The following ADAMTS7 variants were observed in gnomAD, a reference collection of about 807,000 sequenced individuals.
The protein encoded by ADAMTS7 is A disintegrin and metalloproteinase with thrombospondin motifs 7.
A neutral mutation model predicts 172.6 loss-of-function variants in ADAMTS7; 89 were observed. That is an observed-to-expected ratio of 0.52 (90% CI 0.43 to 0.61). The LOEUF is 0.61. Ranked by LOEUF, ADAMTS7 falls within the 20% of genes least tolerant of loss-of-function variation. ADAMTS7 has a pLI of 0.00. For missense variants in ADAMTS7, 1,973 were observed against 2,355.6 expected (o/e 0.84, Z 3.36); for synonymous variants, 885 against 978.4 (o/e 0.90, Z 1.78).
rs1204401813 is a variant in ADAMTS7 at position 78,811,181 on chromosome 15, G to A, written c.40C>T (p.Leu14=). The change falls in exon 1 of 24, where the codon CTG becomes TTG. Residue 14 remains leucine, a synonymous_variant. Transcript: ENST00000388820. ...GPSPRSPAPL[L]RPLLLLLCAL... ...CAGAGGAGCAGGAGGAGGGGGCGCA[G>A]CAAAGGCGCGGGGCTGCGGGGACTG... 4.1e-6 allele frequency: 5 copies of A among 1,229,870 alleles called. No homozygotes were observed. The highest frequency in any genetic ancestry group is 5.1e-6 in the Non-Finnish European group (5 of 986,764). The allele number at this position is 1,229,870 out of a possible 1,614,324, so 76.2% of individuals were successfully genotyped here. A position where few individuals can be genotyped will look rare whatever the true frequency, so the allele number is the denominator to read the frequency against.
At position 78,762,445 on chromosome 15, in the gene ADAMTS7, G is replaced by A. The variant is rs757487684; in HGVS notation, c.4861C>T (p.Arg1621Trp). Residue 1621 changes from arginine (R) to tryptophan (W), a missense_variant, in exon 23 of 24, where the codon CGG becomes TGG. Arg to Trp is a moderately radical substitution (Grantham distance 101). This residue lies in a region of ADAMTS7 where 42 missense variants were observed against 78.3 expected (regional missense o/e 0.54). Coordinates refer to ENST00000388820, the MANE Select transcript of ADAMTS7 (RefSeq NM_014272.5). ...TCACAATCCTCGGTGCCACACGGCC[G>A]GGAGCTCTCAGGCCAGGCCTCGTGG... ...CGHEAWPESS[R>W]PCGTEDCEPV... is the part of the protein sequence containing the mutation. 26 of 1,554,998 alleles carry A rather than the reference G, an allele frequency of 1.7e-5. 1 individual carries two copies. Among genetic ancestry groups the A allele is most frequent in the Admixed American group, 3.7e-5 (2 of 53,664 alleles).
At chr15:78,807,793 G>A (rs111538960) in intron 1 of ADAMTS7, among the ~76,000 whole-genome samples, 1 of 152,046 alleles carries the variant, frequency 6.6e-6, no homozygotes, top group Non-Finnish European at 1.5e-5. Context: ...TTAAAAACTT[G>A]TTGTTTTATC....
chr15:78,790,899 T>C, intron 5 of ADAMTS7, 105 bp from the exon 6 acceptor site: 2 of 1,537,108 alleles, frequency 1.3e-6, no homozygotes, highest in Admixed American at 3.5e-5. Flanking sequence ...AGCAGGGAAG[T>C]GGGAGGCCCG....
chr15:78,760,429 G>T (rs1402292359), intron 23 of ADAMTS7, among the ~76,000 whole-genome samples: 21 of 152,202 alleles, frequency 1.4e-4, no homozygotes, highest in African/African-American at 2.9e-4. Flanking sequence ...GCCAGCCCTG[G>T]GCCTGGGACA....
At chr15:78,768,434 T>G (rs566379019) in intron 16 of ADAMTS7, among the ~76,000 whole-genome samples, 175 bp from the exon 17 acceptor site, 3 of 152,174 alleles carry the variant, frequency 2.0e-5, no homozygotes, top group African/African-American at 7.2e-5. Context: ...CTCACTGTCC[T>G]CCTGGTTCTC....
chr15:78,764,996 C>A lies in ADAMTS7; in HGVS notation c.4267-289G>T, dbSNP rs1335867889. 3 of 344,238 alleles carry A rather than the reference C, an allele frequency of 8.7e-6. No individual in the cohort carries two copies. In the South Asian group the frequency reaches 3.1e-4, roughly 35 times the overall value. 21.3% of individuals were successfully genotyped at this position (344,238 alleles called of 1,614,324 possible). A position where few individuals can be genotyped will look rare whatever the true frequency, so the allele number is the denominator to read the frequency against. On this transcript the variant is annotated intron_variant, in intron 19 of 23. Coordinates refer to ENST00000388820, the MANE Select transcript of ADAMTS7 (RefSeq NM_014272.5). The stretch of plus-strand genomic sequence containing the variant: ...GGGGGGAGGGGACCCTGTGGGCACC[C>A]CGACCAGCTATCTTGACCAGCCTCG...
rs376578536 is a variant in ADAMTS7, at chr15:78,771,802, G to A, written c.2159C>T (p.Ala720Val). ...TTGGATGCGGATCTCGCGTGCGCCC[G>A]CTGGGATCAGCCCCACATCCACATA... ...LGYVDVGLIP[A>V]GAREIRIQEV... The change falls in exon 15 of 24, where the codon GCG (alanine) becomes GTG (valine). Residue 720 changes from alanine to valine, a missense_variant. Physicochemically the swap from Ala to Val is moderately conservative, Grantham distance 64. This residue lies in a region of ADAMTS7 where 771 missense variants were observed against 952.6 expected (regional missense o/e 0.81). Transcript: ENST00000388820. The surrounding 1 kb of genome is among the most constrained non-coding windows in gnomAD (Gnocchi z 4.9). 9.3e-6 allele frequency: 15 copies of A among 1,611,656 alleles called. No homozygotes were observed. The highest frequency in any genetic ancestry group is 1.7e-4 in the Middle Eastern group (1 of 5,730).
intron 8 of ADAMTS7, among the ~76,000 whole-genome samples, chr15:78,787,985 C>T (rs2055527210): frequency 6.6e-6 from 1 of 152,200 alleles, no homozygotes; most frequent in Admixed American, 6.5e-5. Context: ...CAAGTTCAAG[C>T]CTCCTTCCAG....
At position 78,774,357 on chromosome 15, in the gene ADAMTS7, A is replaced by G. The variant is rs1230877012; in HGVS notation, c.1877-57T>C. 5.4e-6 allele frequency: 8 copies of G among 1,493,822 alleles called. No homozygotes were observed. In the African/African-American group the frequency reaches 8.2e-5, roughly 15 times the overall value. The allele number at this position is 1,493,822 out of a possible 1,614,324, so 92.5% of individuals were successfully genotyped here. A position where few individuals can be genotyped will look rare whatever the true frequency, so the allele number is the denominator to read the frequency against. On this transcript the variant is annotated intron_variant, in intron 12 of 23. Coordinates refer to ENST00000388820, the MANE Select transcript of ADAMTS7 (RefSeq NM_014272.5). ...CAGCTGGGGCGGGAGTATGGAGGCC[A>G]CCAGGAAGACCCCTCCGTGACACAC... is the stretch of plus-strand genomic sequence containing the variant.
chr15:78,767,388 G>A lies in ADAMTS7; in HGVS notation c.2850C>T (p.Asn950=). 1 of 1,611,828 alleles carries A rather than the reference G, an allele frequency of 6.2e-7. No homozygotes were observed. The part of the protein sequence containing the change: ...VPCPATWAVG[N]WSQCSVTCGE... ...CCCATCCCACACTCACCTGAGACCA[G>A]TTCCCCACAGCCCAGGTGGCCGGAC... is the stretch of plus-strand genomic sequence containing the variant. The change falls in exon 18 of 24, where the codon AAC becomes AAT. Residue 950 remains asparagine, a synonymous_variant. Coordinates refer to ENST00000388820, the MANE Select transcript of ADAMTS7 (RefSeq NM_014272.5).
chr15:78,808,082 C>T (rs1330014717), intron 1 of ADAMTS7, among the ~76,000 whole-genome samples: 1 of 152,042 alleles, frequency 6.6e-6, no homozygotes, highest in African/African-American at 2.4e-5. Context: ...TCTTGAATTT[C>T]TGGGCTCAAA....
chr15:78,800,348 G>C lies in ADAMTS7; in HGVS notation c.300C>G (p.His100Gln). The C allele has an allele frequency of 6.2e-7, 1 of 1,604,476 alleles. No homozygotes were observed. The change falls in exon 2 of 24, where the codon CAC (histidine) becomes CAG (glutamine). Residue 100 changes from histidine to glutamine, a missense_variant. Coordinates refer to ENST00000388820, the MANE Select transcript of ADAMTS7 (RefSeq NM_014272.5). ...CGCTCACAAAGCCGGGCGCCAGCAG[G>C]TGCTGATTGGCGGTCAGGTTGAAGC... ...ELRFNLTANQ[H>Q]LLAPGFVSET...
At chr15:78,774,040 C>T in intron 13 of ADAMTS7, 127 bp downstream of exon 13, 1 of 1,452,882 alleles carries the variant, frequency 6.9e-7, no homozygotes, top group East Asian at 2.5e-5. Flanking sequence ...CAGGAGGGAC[C>T]CAGGAGAGAA....
chr15:78,800,069 G>A lies in ADAMTS7; in HGVS notation c.456+123C>T, dbSNP rs570094299. ...CTCCCACTTTACAGGCGTGAATACC[G>A]AGGCTGGCAGAGAAAAAGTGCACTG... On this transcript the variant is annotated intron_variant, in intron 2 of 23. Coordinates refer to ENST00000388820, the MANE Select transcript of ADAMTS7 (RefSeq NM_014272.5). The A allele has an allele frequency of 1.1e-3, 932 of 836,046 alleles. 3 individuals carry two copies. The highest frequency in any genetic ancestry group is 1.5e-3 in the Non-Finnish European group (823 of 545,176). The allele number at this position is 836,046 out of a possible 1,614,324, so 51.8% of individuals were successfully genotyped here. A position where few individuals can be genotyped will look rare whatever the true frequency, so the allele number is the denominator to read the frequency against.
At chr15:78,787,536 C>T (rs2055519712) in intron 8 of ADAMTS7, among the ~76,000 whole-genome samples, 1 of 152,054 alleles carries the variant, frequency 6.6e-6, no homozygotes. Flanking sequence ...TTGTGGCACA[C>T]GCCTGTAGTC....
Position 78,800,496 on chromosome 15 carries a change from A to C in ADAMTS7, c.152T>G (p.Val51Gly). The part of the protein sequence containing the change: ...AALDIVHPVR[V>G]DAGGSFLSYE... ...GGACAGGAAGGAGCCCCCCGCGTCG[A>C]CTCGAACCGGGTGCACGATGTCCAG... Residue 51 changes from valine (V) to glycine (G), a missense_variant, in exon 2 of 24, where the codon GTC becomes GGC. Val to Gly is a moderately radical substitution (Grantham distance 109, BLOSUM62 -3). Transcript: ENST00000388820. 6 of 1,608,518 alleles carry C rather than the reference A, an allele frequency of 3.7e-6. No homozygotes were observed. Among genetic ancestry groups the C allele is most frequent in the Non-Finnish European group, 5.1e-6 (6 of 1,178,114 alleles).
intron 8 of ADAMTS7, among the ~76,000 whole-genome samples, chr15:78,783,560 G>A (rs2055461945): frequency 6.6e-6 from 1 of 152,056 alleles, no homozygotes; most frequent in African/African-American, 2.4e-5. Context: ...TTACAGGCGT[G>A]AGCCACCACG....
intron 1 of ADAMTS7, chr15:78,810,354 C>G (rs995452800): frequency 2.0e-5 from 3 of 152,332 alleles, no homozygotes; most frequent in Non-Finnish European, 4.4e-5. Flanking sequence ...CCTACATCCT[C>G]GGTTACTGAA....
At chr15:78,791,376 A>C (rs2055579469) in intron 4 of ADAMTS7, among the ~76,000 whole-genome samples, 153 bp from the exon 5 acceptor site, 1 of 149,970 alleles carries the variant, frequency 6.7e-6, no homozygotes, top group Non-Finnish European at 1.5e-5. Flanking sequence ...CACAGTGGAC[A>C]GGCGATGCAT....
Sources: gnomAD v4.1 joint callset for allele counts (sites outside exome capture counted in the v4.1 genomes callset) on GRCh38, gnomAD v4.1.1 for gene constraint, gnomAD v4.1.1 regional missense constraint, Gnocchi (gnomAD v3.1) non-coding constraint, MANE v1.5 for transcripts, NCBI Gene and HGNC (gene_info 2026-07-23, HGNC 2026-07-21) for gene names.